Variants in SAMD4B observed in about 807,000 individuals in gnomAD.
SAMD4B encodes the protein protein Smaug homolog 2.
In SAMD4B, 5 loss-of-function variants were observed where a neutral mutation model predicts 74.5. The observed-to-expected ratio is 0.07, with a 90% confidence interval of 0.04 to 0.14. The LOEUF is 0.14. Among genes scored for constraint, SAMD4B ranks in the 10% least tolerant of loss-of-function variants. The pLI is 1.00. For synonymous variants in SAMD4B, 373 were observed against 374.9 expected (o/e 1.00, Z 0.06); for missense variants, 608 against 921.8 (o/e 0.66, Z 4.41).
chr19:39,388,127 C>G (rs1039570573), downstream of SAMD4B, among the ~76,000 whole-genome samples: 2 of 152,130 alleles, frequency 1.3e-5, no homozygotes, highest in African/African-American at 4.8e-5. Context: ...GGCAACAGAG[C>G]GAGACTCCAT....
intron 2 of SAMD4B, among the ~76,000 whole-genome samples, chr19:39,356,381 AT>A (rs2076343270): frequency 6.6e-6 from 1 of 151,788 alleles, no homozygotes; most frequent in African/African-American, 2.4e-5. Context: ...CTTCTGAAAA[AT>A]TTTTCCAATA....
chr19:39,360,788 G>T (rs187974285), intron 3 of SAMD4B, among the ~76,000 whole-genome samples: 1 of 152,234 alleles, frequency 6.6e-6, no homozygotes, highest in Non-Finnish European at 1.5e-5. Flanking sequence ...TCTCAAACTT[G>T]CATCATCATC....
chr19:39,382,244 AATG>A (rs1476453926), intron 12 of SAMD4B, among the ~76,000 whole-genome samples: 1 of 152,146 alleles, frequency 6.6e-6, no homozygotes, highest in East Asian at 1.9e-4. Context: ...GGCATCTGTA[AATG>A]ATGTTAAACA....
chr19:39,373,579 G>T (rs967361317), intron 4 of SAMD4B, among the ~76,000 whole-genome samples: 1 of 152,156 alleles, frequency 6.6e-6, no homozygotes. Flanking sequence ...TGATGGAGAA[G>T]AGTTGGCGAG....
At chr19:39,388,513 A>T (rs2078302866), downstream of SAMD4B, 1 of 1,612,830 alleles carries the variant, frequency 6.2e-7, no homozygotes, top group Non-Finnish European at 8.5e-7. Context: ...CCCTATCCCA[A>T]TCCCCAAAAC....
chr19:39,380,311 A>G (rs977976235), intron 10 of SAMD4B, among the ~76,000 whole-genome samples: 15 of 152,236 alleles, frequency 9.9e-5, no homozygotes, highest in African/African-American at 3.6e-4. Context: ...GCCTGTATGC[A>G]GAGGGCCTGG....
chr19:39,386,550 T>C, downstream of SAMD4B: 1 of 1,614,208 alleles, frequency 6.2e-7, no homozygotes. The surrounding 1 kb of genome is among the most constrained non-coding windows in gnomAD (Gnocchi z 6.1). Context: ...TTCGTGGTTT[T>C]CTAGCTGGGC....
intron 1 of SAMD4B, among the ~76,000 whole-genome samples, chr19:39,353,536 G>C (rs30454): frequency 6.6e-6 from 1 of 151,908 alleles, no homozygotes; most frequent in East Asian, 1.9e-4. Context: ...ACATATTACT[G>C]TGTAGCTTAT....
chr19:39,344,186 C>T (rs187880860), intron 1 of SAMD4B, among the ~76,000 whole-genome samples: 218 of 150,810 alleles, frequency 1.4e-3, no homozygotes, highest in African/African-American at 5.0e-3. Flanking sequence ...CTCTAGAATC[C>T]CTTGAAGAAG....
intron 1 of SAMD4B, among the ~76,000 whole-genome samples, chr19:39,346,179 A>G (rs2075690085): frequency 6.6e-6 from 1 of 152,230 alleles, no homozygotes; most frequent in South Asian, 2.1e-4. Context: ...GGGCTTGGGC[A>G]TGTACAGAGC....
At chr19:39,359,210 G>A (rs995021641) in intron 3 of SAMD4B, among the ~76,000 whole-genome samples, 2 of 152,136 alleles carry the variant, frequency 1.3e-5, no homozygotes, top group Admixed American at 6.5e-5. Context: ...ACACAGCTTC[G>A]TCACACATCC....
intron 10 of SAMD4B, 57 bp from the exon 11 acceptor site, chr19:39,380,530 G>C: frequency 6.4e-7 from 1 of 1,571,504 alleles, no homozygotes; most frequent in Non-Finnish European, 8.8e-7. Flanking sequence ...TGAGGAAGGG[G>C]TGGACAGATA....
intron 11 of SAMD4B, 65 bp from the exon 12 acceptor site, chr19:39,380,925 C>A: frequency 6.5e-7 from 1 of 1,548,670 alleles, no homozygotes; most frequent in African/African-American, 1.4e-5. Flanking sequence ...TGTACCACCT[C>A]CACCACTCTT....
At chr19:39,381,512 C>T (rs1413494524) in intron 12 of SAMD4B, among the ~76,000 whole-genome samples, 2 of 152,174 alleles carry the variant, frequency 1.3e-5, no homozygotes, top group Non-Finnish European at 2.9e-5. Context: ...GAGTCCTGCC[C>T]ATCAGCCTAC....
downstream of SAMD4B, chr19:39,386,373 T>C: frequency 1.2e-6 from 2 of 1,614,136 alleles, no homozygotes; most frequent in Non-Finnish European, 1.7e-6. This position sits in a 1 kb window ranked among gnomAD's most constrained non-coding sequence, Gnocchi z 6.1. Flanking sequence ...GCCCTCCTTC[T>C]CACTGCTGCT....
At chr19:39,390,232 G>A (rs1420622473), downstream of SAMD4B, 2 of 1,613,334 alleles carry the variant, frequency 1.2e-6, no homozygotes, top group Admixed American at 1.7e-5. Context: ...CTGCCCCACC[G>A]CTCCTGGGAA....
At chr19:39,355,185 T>C (rs566565379) in intron 2 of SAMD4B, among the ~76,000 whole-genome samples, 44 of 152,290 alleles carry the variant, frequency 2.9e-4, no homozygotes, top group African/African-American at 1.0e-3. Flanking sequence ...ATTTAGATTT[T>C]ATTTAAGTGC....
intron 9 of SAMD4B, 108 bp from the exon 10 acceptor site, chr19:39,379,858 C>T (rs2077848055): frequency 2.1e-6 from 2 of 943,468 alleles, no homozygotes; most frequent in East Asian, 5.2e-5. Flanking sequence ...GCTTGAGCCA[C>T]CACGCCCGGC....
intron 3 of SAMD4B, among the ~76,000 whole-genome samples, chr19:39,364,101 T>C (rs2145567052): frequency 6.6e-6 from 1 of 152,280 alleles, no homozygotes; most frequent in East Asian, 1.9e-4. Flanking sequence ...CCTCCATTTG[T>C]CCAAAACCAC....
Sources: allele counts gnomAD v4.1 joint callset (sites outside exome capture counted in the v4.1 genomes callset), GRCh38; gene constraint gnomAD v4.1.1; non-coding constraint Gnocchi (gnomAD v3.1); transcripts MANE v1.5; gene names NCBI Gene and HGNC (gene_info 2026-07-23, HGNC 2026-07-21).